AOPEP: variants seen among roughly 807,000 people sequenced by gnomAD.
AOPEP encodes the protein aminopeptidase O (putative), also known as aminopeptidase O.
Under a neutral mutation model 98.1 loss-of-function variants are expected in AOPEP, and 77 were observed. The ratio of observed to expected loss-of-function variants is 0.78; its 90% confidence interval spans 0.65 to 0.95. AOPEP has a LOEUF of 0.95. Among genes scored for constraint, AOPEP ranks in the 40% least tolerant of loss-of-function variants. AOPEP has a pLI of 0.00. For missense variants in AOPEP, 1,024 were observed against 1,024.7 expected (o/e 1.00, Z 0.01); for synonymous variants, 346 against 365.3 (o/e 0.95, Z 0.60).
At chr9:95,101,458 G>A in the AOPEP span, 77 of 557,592 alleles carry the variant, frequency 1.4e-4, no homozygotes, top group Non-Finnish European at 2.3e-4. Flanking sequence ...CTGGCCGGGC[G>A]GGCACCAGGA....
chr9:94,931,833 G>T, intron 7 of AOPEP: 1 of 1,519,698 alleles, frequency 6.6e-7, no homozygotes. Flanking sequence ...TCTCCTCCTG[G>T]CTTCTGTGTG....
chr9:95,146,303 A>T, the AOPEP span, among the ~76,000 whole-genome samples: 1 of 151,910 alleles, frequency 6.6e-6, no homozygotes, highest in Non-Finnish European at 1.5e-5. Context: ...CCTAGGCAAC[A>T]TGGTGAAATG....
intron 13 of AOPEP, among the ~76,000 whole-genome samples, chr9:95,059,207 G>T (rs2133900605): frequency 6.6e-6 from 1 of 152,282 alleles, no homozygotes; most frequent in East Asian, 1.9e-4. Context: ...TAATTCTTTG[G>T]GTCCTTGTCA....
the AOPEP span, among the ~76,000 whole-genome samples, chr9:95,115,794 C>T: frequency 1.3e-5 from 2 of 152,214 alleles, no homozygotes; most frequent in African/African-American, 4.8e-5. Context: ...TTTTTCGTTT[C>T]TTCCTTTTAC....
chr9:94,748,719 T>C (rs760454214), intron 1 of AOPEP, among the ~76,000 whole-genome samples: 10 of 152,218 alleles, frequency 6.6e-5, no homozygotes, highest in Non-Finnish European at 1.3e-4. Context: ...TTGTTTTTTA[T>C]AGCCTTCACA....
chr9:95,059,801 A>G (rs1047988742), intron 13 of AOPEP, among the ~76,000 whole-genome samples: 1 of 152,200 alleles, frequency 6.6e-6, no homozygotes, highest in African/African-American at 2.4e-5. Context: ...CATAGGATTA[A>G]TTTTAAAATC....
chr9:95,030,549 T>C (rs1587691510), intron 13 of AOPEP, among the ~76,000 whole-genome samples: 1 of 152,258 alleles, frequency 6.6e-6, no homozygotes, highest in Admixed American at 6.5e-5. Flanking sequence ...GAGCAGCGTC[T>C]GAGCCTCATG....
intron 3 of AOPEP, among the ~76,000 whole-genome samples, chr9:94,788,807 G>T (rs1354072330): frequency 6.6e-6 from 1 of 152,194 alleles, no homozygotes; most frequent in East Asian, 1.9e-4. Context: ...CCATTCACTT[G>T]CCTTCAACTG....
chr9:95,053,566 A>G (rs1023915175), intron 13 of AOPEP, among the ~76,000 whole-genome samples: 4 of 152,230 alleles, frequency 2.6e-5, no homozygotes, highest in African/African-American at 9.6e-5. Flanking sequence ...AAGTTAATGT[A>G]TAACTAGAAT....
chr9:94,846,566 G>C (rs1588512820), intron 5 of AOPEP, among the ~76,000 whole-genome samples: 1 of 152,232 alleles, frequency 6.6e-6, no homozygotes, highest in African/African-American at 2.4e-5. Flanking sequence ...TAAGGGAACA[G>C]TCTATCAGAG....
chr9:94,857,263 C>A (rs1409303312), intron 5 of AOPEP, among the ~76,000 whole-genome samples: 1 of 152,168 alleles, frequency 6.6e-6, no homozygotes, highest in African/African-American at 2.4e-5. Context: ...GTGTTATGTT[C>A]TCTTATAGCA....
chr9:95,051,945 T>C (rs910037465), intron 13 of AOPEP, among the ~76,000 whole-genome samples: 51 of 152,254 alleles, frequency 3.3e-4, no homozygotes, highest in African/African-American at 1.2e-3. Context: ...CCTCGTGATC[T>C]GCCCACCTCG....
intron 1 of AOPEP, among the ~76,000 whole-genome samples, chr9:94,751,529 G>A (rs1835768683): frequency 6.6e-6 from 1 of 152,170 alleles, no homozygotes; most frequent in East Asian, 1.9e-4. Flanking sequence ...GGTCCAGAGA[G>A]TTACTAGACA....
At chr9:94,966,838 A>G (rs1374383695) in intron 9 of AOPEP, among the ~76,000 whole-genome samples, 1 of 152,220 alleles carries the variant, frequency 6.6e-6, no homozygotes, top group Non-Finnish European at 1.5e-5. Context: ...TCCAGAATGA[A>G]ATGGGCTGGA....
rs150755203 is a variant in AOPEP, at chr9:94,960,966, T to C, written c.1872+4951T>C. Among the ~76,000 whole-genome samples the C allele has an allele frequency of 4.7e-3, 696 of 148,424 alleles. 4 individuals carry two copies. The highest frequency in any genetic ancestry group is 0.017 in the African/African-American group (674 of 39,684). On this transcript the variant is annotated intron_variant, in intron 9 of 16. Transcript: ENST00000375315. ...GGCGGAGCTTGCAGTGAGCCGAGAT[T>C]GCGCGCCACTGCACTCCGGCCTGGG...
At chr9:95,044,951 C>T (rs10993463) in intron 13 of AOPEP, among the ~76,000 whole-genome samples, 51,037 of 152,092 alleles carry the variant, frequency 0.34, 9,288 homozygotes, top group Non-Finnish European at 0.42. Flanking sequence ...GCACACATCT[C>T]AGGCTGTGCA....
At chr9:94,792,704 A>AT (rs1453312344) in intron 3 of AOPEP, 61 bp from the exon 4 acceptor site, 34 of 1,402,056 alleles carry the variant, frequency 2.4e-5, no homozygotes. Flanking sequence ...AGAAGAAATT[A>AT]TACAGCAGAG....
At chr9:94,784,896 C>T (rs901419534) in intron 3 of AOPEP, among the ~76,000 whole-genome samples, 2 of 152,028 alleles carry the variant, frequency 1.3e-5, no homozygotes, top group African/African-American at 2.4e-5. Context: ...GGATTACCGG[C>T]GTGAGTCACT....
At chr9:95,116,109 G>A in the AOPEP span, among the ~76,000 whole-genome samples, 10 of 152,250 alleles carry the variant, frequency 6.6e-5, no homozygotes, top group African/African-American at 2.4e-4. Flanking sequence ...GAAAGGTAAA[G>A]GGTTGGGCCC....
Sources: allele counts gnomAD v4.1 joint callset (sites outside exome capture counted in the v4.1 genomes callset), GRCh38; gene constraint gnomAD v4.1.1; transcripts MANE v1.5; gene names NCBI Gene and HGNC (gene_info 2026-07-23, HGNC 2026-07-21).